CCR3: variants seen among roughly 807,000 people sequenced by gnomAD.
The protein encoded by CCR3 is C-C motif chemokine receptor 3.
For synonymous variants in CCR3, 203 were observed against 179.2 expected (o/e 1.13, Z -1.06); for missense variants, 419 against 437.5 (o/e 0.96, Z 0.38).
chr3:46,222,536 C>A (rs576148993), intron 2 of CCR3, among the ~76,000 whole-genome samples: 1 of 152,272 alleles, frequency 6.6e-6, no homozygotes, highest in South Asian at 2.1e-4. Flanking sequence ...CAGGGCCCCA[C>A]CCCACAGATC....
At chr3:46,262,279 G>A (rs913904862) in intron 1 of CCR3, among the ~76,000 whole-genome samples, 1 of 152,220 alleles carries the variant, frequency 6.6e-6, no homozygotes. Flanking sequence ...TGAGAAGCTG[G>A]TAACAGAGAC....
intron 1 of CCR3, among the ~76,000 whole-genome samples, chr3:46,261,087 C>G (rs778420762): frequency 6.6e-5 from 10 of 152,098 alleles, no homozygotes; most frequent in Non-Finnish European, 1.0e-4. Flanking sequence ...AAATAACCTT[C>G]AAAACAGATC....
chr3:46,237,400 G>A (rs984371247), intron 2 of CCR3, among the ~76,000 whole-genome samples: 1 of 152,112 alleles, frequency 6.6e-6, no homozygotes, highest in African/African-American at 2.4e-5. Flanking sequence ...TCTTCACTCC[G>A]TTGGTTGTTT....
At chr3:46,222,030 G>A (rs1325296562) in intron 2 of CCR3, among the ~76,000 whole-genome samples, 1 of 152,160 alleles carries the variant, frequency 6.6e-6, no homozygotes, top group Non-Finnish European at 1.5e-5. Flanking sequence ...GATTCCCCCT[G>A]AGGACTGGGC....
rs987979300 is a variant in CCR3 at position 46,266,079 on chromosome 3, G to T, written c.921G>T (p.Arg307Ser). 9 of 1,613,888 alleles carry T rather than the reference G, an allele frequency of 5.6e-6. No homozygotes were observed. In the Admixed American group the frequency reaches 8.3e-5, roughly 15 times the overall value. ...NPVIYAFVGERFRKYLRHFFH... is the reference protein window; with the variant it reads ...NPVIYAFVGESFRKYLRHFFH... Reference sequence around the variant, plus strand: ...TGATCTACGCCTTTGTTGGAGAGAGGTTCCGGAAGTACCTGCGCCACTTCT... The same window carrying T: ...TGATCTACGCCTTTGTTGGAGAGAGTTTCCGGAAGTACCTGCGCCACTTCT... The change falls in exon 2 of 2, where the codon AGG becomes AGT. Residue 307 changes from arginine to serine, a missense_variant. Transcript: ENST00000395940.
At chr3:46,225,007 A>T (rs1699878475) in intron 2 of CCR3, among the ~76,000 whole-genome samples, 1 of 152,216 alleles carries the variant, frequency 6.6e-6, no homozygotes, top group African/African-American at 2.4e-5. Flanking sequence ...TAGTAACTTT[A>T]TTCATAATAG....
intron 2 of CCR3, among the ~76,000 whole-genome samples, chr3:46,215,044 T>C (rs1699758266): frequency 6.6e-6 from 1 of 152,066 alleles, no homozygotes; most frequent in African/African-American, 2.4e-5. Context: ...CTCGCAAGAA[T>C]GGGGCAGTGG....
intron 2 of CCR3, among the ~76,000 whole-genome samples, chr3:46,222,951 C>T (rs192580053): frequency 6.6e-6 from 1 of 152,218 alleles, no homozygotes; most frequent in East Asian, 1.9e-4. Flanking sequence ...GTCAAGAAAC[C>T]CTTCATGCTA....
At chr3:46,227,645 T>C (rs7624155) in intron 2 of CCR3, among the ~76,000 whole-genome samples, 27,202 of 152,158 alleles carry the variant, frequency 0.18, 3,986 homozygotes, top group African/African-American at 0.4. Context: ...TCTTTTCTAA[T>C]GGAAGAATTT....
intron 2 of CCR3, among the ~76,000 whole-genome samples, chr3:46,228,672 G>A (rs1013461979): frequency 6.6e-6 from 1 of 152,210 alleles, no homozygotes; most frequent in African/African-American, 2.4e-5. Flanking sequence ...ACAGGCTTAG[G>A]AATTAAAAAT....
At chr3:46,252,779 A>C (rs1383807730) in intron 1 of CCR3, among the ~76,000 whole-genome samples, 1 of 152,154 alleles carries the variant, frequency 6.6e-6, no homozygotes, top group African/African-American at 2.4e-5. Flanking sequence ...CCTACCATTA[A>C]ATTGGCTCTT....
chr3:46,263,912 G>C (rs1378285948), intron 1 of CCR3: 3 of 154,512 alleles, frequency 1.9e-5, no homozygotes, highest in African/African-American at 4.8e-5. Flanking sequence ...ATTGGCCCCA[G>C]TTATTAAGCA....
At chr3:46,244,053 A>C (rs1700146420) in intron 1 of CCR3, among the ~76,000 whole-genome samples, 1 of 152,238 alleles carries the variant, frequency 6.6e-6, no homozygotes, top group African/African-American at 2.4e-5. Flanking sequence ...CACTTTCTGG[A>C]AGCAATTTGA....
At chr3:46,264,983 T>C (rs7631853) in intron 1 of CCR3, 165 bp from the exon 2 acceptor site, 52,783 of 593,176 alleles carry the variant, frequency 0.089, 2,962 homozygotes, top group South Asian at 0.19. Flanking sequence ...TCCTCAATCC[T>C]TTTCCTGGCA....
chr3:46,215,429 C>A (rs1445963944), intron 2 of CCR3, among the ~76,000 whole-genome samples: 1 of 152,176 alleles, frequency 6.6e-6, no homozygotes, highest in Non-Finnish European at 1.5e-5. Flanking sequence ...ACAAGTCCTC[C>A]AGGTGCTTCT....
upstream of CCR3, among the ~76,000 whole-genome samples, chr3:46,241,769 C>T (rs1049075083): frequency 6.6e-6 from 1 of 152,160 alleles, no homozygotes; most frequent in African/African-American, 2.4e-5. Context: ...ATCCAAGTGT[C>T]TACTGGACCC....
intron 2 of CCR3, among the ~76,000 whole-genome samples, chr3:46,213,159 G>C (rs1699736787): frequency 6.6e-6 from 1 of 152,094 alleles, no homozygotes; most frequent in South Asian, 2.1e-4. Context: ...TACAACCTCA[G>C]AACTCAGGGG....
In CCR3 at chr3:46,265,933, A is replaced by C. The variant is rs371715616; in HGVS notation, c.775A>C (p.Ile259Leu). The C allele has an allele frequency of 3.1e-6, 5 of 1,614,116 alleles. No individual in the cohort carries two copies. The South Asian group carries it at 3.3e-5, about 11-fold the overall frequency. ...TTTCTGGACACCCTACAATGTGGCT[A>C]TCCTTCTCTCTTCCTATCAATCCAT... ...FIFWTPYNVAILLSSYQSILF... is the reference protein window; with the variant it reads ...FIFWTPYNVALLLSSYQSILF... Residue 259 changes from isoleucine (I) to leucine (L), a missense_variant, in exon 2 of 2, where the codon ATC becomes CTC. Coordinates refer to ENST00000395940, the MANE Select transcript of CCR3 (RefSeq NM_178329.3).
In CCR3 at chr3:46,265,345, A is replaced by C; in HGVS notation, c.187A>C (p.Arg63=). Residue 63 remains arginine (R), a synonymous_variant, in exon 2 of 2, where the codon AGG becomes CGG. Transcript: ENST00000395940. ...VVVVMILIKY[R]RLRIMTNIYL... is the part of the protein sequence containing the mutation. ...GGTGGTGATGATCCTCATAAAATAC[A>C]GGAGGCTCCGAATTATGACCAACAT... The C allele has an allele frequency of 6.2e-7, 1 of 1,614,162 alleles. No individual in the cohort carries two copies. Among genetic ancestry groups the C allele is most frequent in the Non-Finnish European group, 8.5e-7 (1 of 1,180,018 alleles).
Sources: allele counts gnomAD v4.1 joint callset (sites outside exome capture counted in the v4.1 genomes callset), GRCh38; gene constraint gnomAD v4.1.1; transcripts MANE v1.5; gene names NCBI Gene and HGNC (gene_info 2026-07-23, HGNC 2026-07-21).